The following PRKACB variants were observed in gnomAD, a reference collection of about 807,000 sequenced individuals.
The protein encoded by PRKACB is cAMP-dependent protein kinase catalytic subunit beta.
PRKACB carries 16 observed loss-of-function variants against 51.4 expected under a neutral mutation model. The observed-to-expected ratio is 0.31, with a 90% CI of 0.21 to 0.47. PRKACB has a LOEUF of 0.47. Among genes scored for constraint, PRKACB ranks in the 20% least tolerant of loss-of-function variants. The probability of loss-of-function intolerance (pLI) is 1.00; values close to 1 mark genes in which losing one functional copy is unlikely to be tolerated. For missense variants in PRKACB, 309 were observed against 464.5 expected (o/e 0.67, Z 3.08); for synonymous variants, 147 against 154.4 (o/e 0.95, Z 0.35).
intron 9 of PRKACB, among the ~76,000 whole-genome samples, chr1:84,217,978 A>G (rs957313679): frequency 2.6e-5 from 4 of 152,166 alleles, no homozygotes; most frequent in Admixed American, 1.3e-4. Flanking sequence ...TATTAAATTA[A>G]TATATACATC....
intron 1 of PRKACB, among the ~76,000 whole-genome samples, chr1:84,173,733 C>T (rs1660305040): frequency 6.6e-6 from 1 of 151,674 alleles, no homozygotes; most frequent in Non-Finnish European, 1.5e-5. Flanking sequence ...TAGAATAATG[C>T]TTTTATTAAG....
rs577167466 is a variant in PRKACB at position 84,094,262 on chromosome 1, G to A, written c.46+15891G>A. On this transcript the variant is annotated intron_variant, in intron 1 of 8. Transcript: ENST00000370688. ...TTTAAGGAAGGTTTCTTCTATTCCT[G>A]GTTTGCTAATTATTTTTCCTTTGAG... Among the ~76,000 whole-genome samples, 192 of 151,698 alleles carry A rather than the reference G, an allele frequency of 1.3e-3. 1 individual carries two copies. The highest frequency in any genetic ancestry group is 2.1e-3 in the Non-Finnish European group (141 of 67,746).
intron 1 of PRKACB, among the ~76,000 whole-genome samples, chr1:84,120,703 A>T (rs1215421645): frequency 6.6e-6 from 1 of 152,104 alleles, no homozygotes; most frequent in Admixed American, 6.6e-5. Context: ...CTTAATAGGG[A>T]AAAAATTTAT....
chr1:84,237,988 T>C lies in PRKACB; in HGVS notation c.*2683T>C, dbSNP rs1172379204. On this transcript the variant is annotated 3_prime_UTR_variant, in exon 10 of 10. Transcript: ENST00000370685. ...CTGATATTTTGAAGGGTATATTGCT[T>C]TGAAGTAAGTCTCAATAAGGCAATA... 4 of 152,162 alleles carry C rather than the reference T, an allele frequency of 2.6e-5. No homozygotes were observed. Among genetic ancestry groups the C allele is most frequent in the Admixed American group, 2.6e-4 (4 of 15,284 alleles). 9.4% of individuals were successfully genotyped at this position (152,162 alleles called of 1,614,324 possible). A position where few individuals can be genotyped will look rare whatever the true frequency, so the allele number is the denominator to read the frequency against.
Position 84,083,538 on chromosome 1 carries a change from T to A in PRKACB, c.46+5167T>A, listed in dbSNP as rs564686076. ...ATGGCTGAGTGACAGAAGCAGCACGTGAGAAGGTCCTAGATAAGCCAGGAT... is the reference window on the plus strand; with the variant it reads ...ATGGCTGAGTGACAGAAGCAGCACGAGAGAAGGTCCTAGATAAGCCAGGAT... On this transcript the variant is annotated intron_variant, in intron 1 of 8. Coordinates refer to the PRKACB transcript ENST00000370688. 5.3e-5 allele frequency among the ~76,000 whole-genome samples: 8 copies of A among 152,280 alleles called. No individual in the cohort carries two copies. In the South Asian group the frequency reaches 1.4e-3, roughly 28 times the overall value.
chr1:84,092,945 C>A (rs1359942597), intron 1 of PRKACB, among the ~76,000 whole-genome samples: 1 of 140,714 alleles, frequency 7.1e-6, no homozygotes, highest in Middle Eastern at 3.4e-3. Flanking sequence ...TTGTATTTTT[C>A]AAAAAAATTG....
chr1:84,086,131 G>A, intron 1 of PRKACB: 1 of 1,586,752 alleles, frequency 6.3e-7, no homozygotes, highest in Non-Finnish European at 8.7e-7. Flanking sequence ...TGTTGGTGGT[G>A]CCCACTGTGC....
chr1:84,238,489 G>T lies in PRKACB; in HGVS notation c.*3184G>T, dbSNP rs1044011964. 6.6e-6 allele frequency: 1 copy of T among 152,436 alleles called. No individual in the cohort carries two copies. Among genetic ancestry groups the T allele is most frequent in the African/African-American group, 2.4e-5 (1 of 41,360 alleles). The allele number at this position is 152,436 out of a possible 1,614,324, so 9.4% of individuals were successfully genotyped here. A position where few individuals can be genotyped will look rare whatever the true frequency, so the allele number is the denominator to read the frequency against. On this transcript the variant is annotated 3_prime_UTR_variant, in exon 10 of 10. Transcript: ENST00000370685. ...CTGCAAAATTAAAGTACCTTCAATG[G>T]ATAAGACAATTGATTGAGTCGTGAA... is the stretch of plus-strand genomic sequence containing the variant.
chr1:84,234,740 C>T (rs1676450565), intron 9 of PRKACB, among the ~76,000 whole-genome samples: 2 of 152,242 alleles, frequency 1.3e-5, no homozygotes, highest in East Asian at 1.9e-4. Flanking sequence ...CCTTGCGCTT[C>T]CTGAGTGAGG....
intron 2 of PRKACB, among the ~76,000 whole-genome samples, chr1:84,179,462 T>C (rs1662475733): frequency 6.6e-6 from 1 of 151,922 alleles, no homozygotes; most frequent in Non-Finnish European, 1.5e-5. Flanking sequence ...TACCTAATTA[T>C]AAATTTGATA....
chr1:84,180,101 C>T (rs1209901665), intron 2 of PRKACB, among the ~76,000 whole-genome samples: 7 of 140,068 alleles, frequency 5.0e-5, no homozygotes, highest in Admixed American at 1.5e-4. Context: ...CACACGCATG[C>T]TTATAGTAGC....
chr1:84,097,573 A>G (rs1649020108), intron 1 of PRKACB, among the ~76,000 whole-genome samples: 1 of 152,016 alleles, frequency 6.6e-6, no homozygotes, highest in Non-Finnish European at 1.5e-5. Context: ...TATACTTATT[A>G]TGGAAATTGA....
chr1:84,087,952 G>A (rs538525114), intron 1 of PRKACB, among the ~76,000 whole-genome samples: 5 of 152,100 alleles, frequency 3.3e-5, no homozygotes, highest in Non-Finnish European at 5.9e-5. Context: ...GTAGCTTATA[G>A]TCTGGTAAAA....
intron 9 of PRKACB, among the ~76,000 whole-genome samples, chr1:84,219,742 C>G (rs1222860392): frequency 6.6e-6 from 1 of 151,434 alleles, no homozygotes; most frequent in African/African-American, 2.4e-5. Flanking sequence ...ATGCCTTTGT[C>G]AAAAATCACT....
Position 84,082,018 on chromosome 1 carries a change from T to C in PRKACB, c.46+3647T>C, listed in dbSNP as rs181485840. Among the ~76,000 whole-genome samples the C allele has an allele frequency of 3.8e-3, 577 of 152,358 alleles. 3 individuals carry two copies. Among genetic ancestry groups the C allele is most frequent in the African/African-American group, 0.012 (517 of 41,600 alleles). The stretch of plus-strand genomic sequence containing the variant: ...CAAGTTTCTTAACAACTAACATTTT[T>C]TGAGGACTAATACGTGCCAGGTTCT... On this transcript the variant is annotated intron_variant, in intron 1 of 8. Transcript: ENST00000370688.
rs1035460273 is a variant in PRKACB at position 84,233,042 on chromosome 1, C to T, written c.1072-2138C>T. ...TTTACATTTTGGCATGATTTTGCAG[C>T]AACTGGTACCGGTTGTTCCTTTCCA... is the stretch of plus-strand genomic sequence containing the variant. On this transcript the variant is annotated intron_variant, in intron 9 of 9. Coordinates refer to ENST00000370685, the MANE Select transcript of PRKACB (RefSeq NM_182948.4). Among the ~76,000 whole-genome samples, 14 of 151,582 alleles carry T rather than the reference C, an allele frequency of 9.2e-5. No homozygotes were observed. In the South Asian group the frequency reaches 1.7e-3, roughly 18 times the overall value.
At chr1:84,209,671 A>G (rs1292261988) in intron 8 of PRKACB, among the ~76,000 whole-genome samples, 2 of 152,192 alleles carry the variant, frequency 1.3e-5, no homozygotes, top group African/African-American at 4.8e-5. Context: ...AGACCTTACT[A>G]TGCAAAGTTT....
At chr1:84,150,653 G>A (rs1313490805) in intron 1 of PRKACB, among the ~76,000 whole-genome samples, 2 of 151,914 alleles carry the variant, frequency 1.3e-5, no homozygotes, top group African/African-American at 4.8e-5. Context: ...CCCTCTCTTT[G>A]CCTGTGACAT....
intron 9 of PRKACB, among the ~76,000 whole-genome samples, chr1:84,230,386 T>C (rs893599105): frequency 3.9e-5 from 6 of 152,228 alleles, no homozygotes; most frequent in Admixed American, 1.3e-4. Flanking sequence ...AGCTTTGTTC[T>C]TTTGGCTTAG....
Sources: gnomAD v4.1 joint callset for allele counts (sites outside exome capture counted in the v4.1 genomes callset) on GRCh38, gnomAD v4.1.1 for gene constraint, MANE v1.5 for transcripts, NCBI Gene and HGNC (gene_info 2026-07-23, HGNC 2026-07-21) for gene names.